The following DOCK11 variants were observed in gnomAD, a reference collection of about 807,000 sequenced individuals.
DOCK11 encodes dedicator of cytokinesis protein 11.
In DOCK11, 70 loss-of-function variants were observed where a neutral mutation model predicts 169.1. The observed-to-expected ratio is 0.41, with a 90% CI of 0.34 to 0.51. The LOEUF is 0.51. Ranked by LOEUF, DOCK11 falls within the 20% of genes least tolerant of loss-of-function variation. The probability of loss-of-function intolerance (pLI) is 0.10; values close to 1 mark genes in which losing one functional copy is unlikely to be tolerated. For synonymous variants in DOCK11, 529 were observed against 541.3 expected, an observed-to-expected ratio of 0.98 and a Z score of 0.32; for missense variants, 1,166 against 1,538.8, an observed-to-expected ratio of 0.76 and a Z score of 4.05.
Position 118,522,011 on chromosome X carries a change from C to T in DOCK11, c.103-20714C>T, listed in dbSNP as rs140269904. 7.3e-3 allele frequency among the ~76,000 whole-genome samples: 819 copies of T among 112,175 alleles called. 8 individuals carry two copies. The highest frequency in any genetic ancestry group is 9.3e-3 in the Non-Finnish European group (495 of 53,229). Reference sequence around the variant, plus strand: ...TGTTTGGGAATTCACAAAACTGCTGCAGAATCTGCTGTAGTGGTTAAGAGC... The same window carrying T: ...TGTTTGGGAATTCACAAAACTGCTGTAGAATCTGCTGTAGTGGTTAAGAGC... On this transcript the variant is annotated intron_variant, in intron 1 of 52. Transcript: ENST00000276202.
chrX:118,643,490 T>TATTTAAATTATTTCATTAAATAA lies in DOCK11; in HGVS notation c.4294_4295insATTTAAATTATTTCATTAAATAA (p.Leu1432TyrfsTer8). The stretch of plus-strand genomic sequence containing the variant: ...TTTAAATAATGATGGCCATAACCCA[T>TATTTAAATTATTTCATTAAATAA]TAATGAAAAAAGTGTTTGATATACA... On this transcript the variant is annotated stop_gained and frameshift_variant, in exon 40 of 53. Coordinates refer to ENST00000276202, the MANE Select transcript of DOCK11 (RefSeq NM_144658.4). LOFTEE classifies it high-confidence loss of function. 1 of 1,209,776 alleles carries TATTTAAATTATTTCATTAAATAA rather than the reference T, an allele frequency of 8.3e-7. No homozygotes were observed. Among genetic ancestry groups the TATTTAAATTATTTCATTAAATAA allele is most frequent in the Non-Finnish European group, 1.1e-6 (1 of 894,092 alleles).
At chrX:118,576,363 C>A (rs1478828801) in intron 12 of DOCK11, among the ~76,000 whole-genome samples, 2 of 111,538 alleles carry the variant, frequency 1.8e-5, no homozygotes, top group Admixed American at 1.9e-4. Flanking sequence ...GGCCAGACCT[C>A]CAGCCCACGT....
intron 45 of DOCK11, among the ~76,000 whole-genome samples, chrX:118,664,537 C>T (rs767322687): frequency 2.7e-5 from 3 of 110,276 alleles, no homozygotes; most frequent in African/African-American, 9.9e-5. Context: ...CCCAGCTGCT[C>T]AGGAGGCTGA....
At chrX:118,542,445 A>G (rs773236793) in intron 1 of DOCK11, among the ~76,000 whole-genome samples, 5 of 110,936 alleles carry the variant, frequency 4.5e-5, no homozygotes, top group African/African-American at 1.6e-4. Context: ...TACTGGGATT[A>G]CAGGCATGAG....
chrX:118,523,762 T>G (rs762360578), intron 1 of DOCK11, among the ~76,000 whole-genome samples: 1 of 111,751 alleles, frequency 8.9e-6, no homozygotes, highest in East Asian at 2.8e-4. Context: ...AAATTGATCA[T>G]ACTCAATAAT....
At chrX:118,603,687 T>G (rs2014409353) in intron 23 of DOCK11, among the ~76,000 whole-genome samples, 1 of 112,264 alleles carries the variant, frequency 8.9e-6, no homozygotes, top group Non-Finnish European at 1.9e-5. Flanking sequence ...GGCCTTTATT[T>G]GTTTGGGTTT....
At chrX:118,568,213 T>A in intron 10 of DOCK11, 51 bp downstream of exon 10, 1 of 764,104 alleles carries the variant, frequency 1.3e-6, no homozygotes, top group Non-Finnish European at 1.8e-6. Context: ...CTTATTCAGA[T>A]AAACAACATC....
intron 7 of DOCK11, among the ~76,000 whole-genome samples, chrX:118,562,399 T>C (rs2012941135): frequency 9.0e-6 from 1 of 111,434 alleles, no homozygotes; most frequent in Admixed American, 9.6e-5. Context: ...CCTTTTATCA[T>C]CGCTGGCCCA....
chrX:118,583,761 G>A (rs748793944), intron 14 of DOCK11, among the ~76,000 whole-genome samples: 3 of 111,283 alleles, frequency 2.7e-5, no homozygotes, highest in Non-Finnish European at 3.8e-5. Flanking sequence ...ATAAAATTAC[G>A]TAGTATTTGC....
At chrX:118,641,435 C>T in intron 39 of DOCK11, 130 bp downstream of exon 39, 2 of 482,627 alleles carry the variant, frequency 4.1e-6, no homozygotes, top group Non-Finnish European at 7.1e-6. Flanking sequence ...GATGGCAGTT[C>T]TAGTTTGGTT....
rs2013305129 is a variant in DOCK11, at chrX:118,572,377, A to G, written c.1090A>G (p.Asn364Asp). 1.7e-6 allele frequency: 2 copies of G among 1,204,720 alleles called. No homozygotes were observed. The highest frequency in any genetic ancestry group is 2.2e-6 in the Non-Finnish European group (2 of 891,678). ...TATAAAGCCATTTGAAGAAAAATGC[A>G]ATAAACGTTTCCTGGTGAATTGCCA... is the stretch of plus-strand genomic sequence containing the variant. ...PDIKPFEEKC[N>D]KRFLVNCHDL... The change falls in exon 11 of 53, where the codon AAT becomes GAT. Residue 364 changes from asparagine (N) to aspartate (D), a missense_variant. Transcript: ENST00000276202.
chrX:118,683,003 G>C (rs1340609480), intron 51 of DOCK11, 76 bp from the exon 52 acceptor site: 2 of 1,019,727 alleles, frequency 2.0e-6, no homozygotes, highest in African/African-American at 3.8e-5. Context: ...TGGCTAAACT[G>C]AGTTATCAAA....
At chrX:118,523,101 C>G (rs1207158977) in intron 1 of DOCK11, among the ~76,000 whole-genome samples, 2 of 112,503 alleles carry the variant, frequency 1.8e-5, no homozygotes, top group African/African-American at 6.5e-5. Flanking sequence ...GCTTAGCAAG[C>G]TTTCAATAAA....
At position 118,568,181 on chromosome X, in the gene DOCK11, T is replaced by C; in HGVS notation, c.1035+19T>C. 3.1e-6 allele frequency: 3 copies of C among 970,840 alleles called. No homozygotes were observed. Among genetic ancestry groups the C allele is most frequent in the Non-Finnish European group, 4.2e-6 (3 of 709,741 alleles). 80.0% of individuals were successfully genotyped at this position (970,840 alleles called of 1,213,427 possible). A position where few individuals can be genotyped will look rare whatever the true frequency, so the allele number is the denominator to read the frequency against. On this transcript the variant is annotated intron_variant, in intron 10 of 52. Transcript: ENST00000276202. ...AGTTCAGGTATTAATGATACATTTC[T>C]TTAATAGTCCTAGAATTATTGCTTA...
intron 45 of DOCK11, among the ~76,000 whole-genome samples, chrX:118,663,674 CTTTT>C (rs751159854): frequency 6.7e-5 from 4 of 60,039 alleles, no homozygotes; most frequent in African/African-American, 2.5e-4. Flanking sequence ...GCATCAAAGT[CTTTT>C]TTTTTTTTTT....
At chrX:118,671,449 A>G (rs748298935) in intron 46 of DOCK11, among the ~76,000 whole-genome samples, 1 of 108,418 alleles carries the variant, frequency 9.2e-6, no homozygotes, top group Non-Finnish European at 1.9e-5. Flanking sequence ...TGATCATTAC[A>G]CAATGTTGGC....
intron 1 of DOCK11, among the ~76,000 whole-genome samples, chrX:118,516,952 G>A (rs770822214): frequency 8.9e-6 from 1 of 112,083 alleles, no homozygotes; most frequent in Non-Finnish European, 1.9e-5. Context: ...ATTGAAGCAC[G>A]AGGAACAATG....
At chrX:118,550,418 G>A (rs2012452451) in intron 6 of DOCK11, among the ~76,000 whole-genome samples, 1 of 110,386 alleles carries the variant, frequency 9.1e-6, no homozygotes. Context: ...CAGCCTGGGT[G>A]ACAGAGTGAC....
chrX:118,601,101 A>G (rs1444187340), intron 23 of DOCK11, among the ~76,000 whole-genome samples: 2 of 111,460 alleles, frequency 1.8e-5, no homozygotes, highest in Non-Finnish European at 3.8e-5. Context: ...AGTGGTGGCT[A>G]TATGGCTATA....
Sources: allele counts gnomAD v4.1 joint callset (sites outside exome capture counted in the v4.1 genomes callset), GRCh38; gene constraint gnomAD v4.1.1; transcripts MANE v1.5; gene names NCBI Gene and HGNC (gene_info 2026-07-23, HGNC 2026-07-21).